The following EBF1 variants were observed in gnomAD, a reference collection of about 807,000 sequenced individuals.
EBF1 encodes the protein transcription factor COE1.
EBF1 carries 10 observed loss-of-function variants against 68.4 expected under a neutral mutation model. That is an observed-to-expected ratio of 0.15 (90% CI 0.09 to 0.25). The LOEUF (loss-of-function observed/expected upper bound fraction) is 0.25. Among genes scored for constraint, EBF1 ranks in the 10% least tolerant of loss-of-function variants. EBF1 has a pLI of 1.00. For synonymous variants in EBF1, 298 were observed against 299.8 expected (o/e 0.99, Z 0.06); for missense variants, 509 against 794.4 (o/e 0.64, Z 4.32).
intron 3 of EBF1, 158 bp downstream of exon 3, chr5:159,096,185 T>C: frequency 1.3e-6 from 1 of 761,728 alleles, no homozygotes; most frequent in South Asian, 1.9e-5. Context: ...CCTCCTCAGG[T>C]GAAACCTCCT....
chr5:158,706,227 G>A (rs1157294650), intron 15 of EBF1, among the ~76,000 whole-genome samples: 1 of 151,342 alleles, frequency 6.6e-6, no homozygotes, highest in Non-Finnish European at 1.5e-5. Context: ...CTAAGAAGAT[G>A]GATTTGCCAC....
chr5:159,096,611 T>A (rs1562009379), intron 2 of EBF1: 2 of 641,400 alleles, frequency 3.1e-6, no homozygotes, highest in Non-Finnish European at 5.4e-6. Flanking sequence ...AAAAGAAAAT[T>A]CCGTCGGGCG....
chr5:158,876,265 C>T (rs1797795435), intron 6 of EBF1, among the ~76,000 whole-genome samples: 2 of 152,130 alleles, frequency 1.3e-5, no homozygotes, highest in Admixed American at 6.5e-5. Flanking sequence ...TTTAGCCTCC[C>T]AATACCTCTA....
intron 10 of EBF1, among the ~76,000 whole-genome samples, chr5:158,762,787 G>A (rs572132097): frequency 2.1e-4 from 32 of 152,116 alleles, no homozygotes; most frequent in East Asian, 5.8e-4. Flanking sequence ...CGCCTGCCTC[G>A]GCCTCCCAAA....
intron 6 of EBF1, among the ~76,000 whole-genome samples, chr5:158,910,095 G>A (rs965473709): frequency 8.6e-5 from 13 of 150,718 alleles, no homozygotes; most frequent in African/African-American, 3.2e-4. Flanking sequence ...GAAATGAAGA[G>A]ACATTGTCAT....
chr5:158,731,314 A>C (rs1296177836), intron 10 of EBF1, among the ~76,000 whole-genome samples, 157 bp from the exon 11 acceptor site: 1 of 152,210 alleles, frequency 6.6e-6, no homozygotes, highest in Non-Finnish European at 1.5e-5. Flanking sequence ...CTCTTGGCTA[A>C]ACTTTCCACC....
chr5:158,699,168 T>C (rs1275640383), intron 15 of EBF1, 26 bp from the exon 16 acceptor site: 1 of 1,589,256 alleles, frequency 6.3e-7, no homozygotes, highest in African/African-American at 1.4e-5. Flanking sequence ...CAGAAGTCAA[T>C]GGTTTCTTTG....
chr5:158,734,534 T>C (rs1256404952), intron 10 of EBF1, among the ~76,000 whole-genome samples: 1 of 152,148 alleles, frequency 6.6e-6, no homozygotes, highest in Non-Finnish European at 1.5e-5. Flanking sequence ...AAGAATGGTA[T>C]ATTTATTTCA....
intron 6 of EBF1, among the ~76,000 whole-genome samples, chr5:159,003,173 C>A (rs1301572869): frequency 1.3e-5 from 2 of 152,190 alleles, no homozygotes; most frequent in Non-Finnish European, 2.9e-5. Context: ...TGGCTCTTTG[C>A]TAACTCTGTT....
chr5:159,063,922 C>T (rs1163902760), intron 6 of EBF1, among the ~76,000 whole-genome samples: 1 of 152,092 alleles, frequency 6.6e-6, no homozygotes, highest in African/African-American at 2.4e-5. Context: ...AAAACTGAGC[C>T]CCCTGAGGCT....
intron 6 of EBF1, among the ~76,000 whole-genome samples, chr5:159,064,499 G>C (rs1374950365): frequency 6.6e-6 from 1 of 152,164 alleles, no homozygotes; most frequent in African/African-American, 2.4e-5. Flanking sequence ...TTTGTGCAAA[G>C]AGAATTTTCT....
chr5:158,894,261 A>T (rs371456575), intron 6 of EBF1, among the ~76,000 whole-genome samples: 6 of 152,322 alleles, frequency 3.9e-5, no homozygotes, highest in East Asian at 3.9e-4. Context: ...TAATGGGACA[A>T]TATTATTCTT....
intron 6 of EBF1, among the ~76,000 whole-genome samples, chr5:158,868,856 T>A (rs139553628): frequency 3.3e-5 from 5 of 152,322 alleles, no homozygotes; most frequent in African/African-American, 1.2e-4. Context: ...GATTTCAACA[T>A]GGTTGATGTT....
intron 6 of EBF1, among the ~76,000 whole-genome samples, chr5:159,043,973 C>G (rs1771789912): frequency 6.6e-6 from 1 of 152,194 alleles, no homozygotes; most frequent in Non-Finnish European, 1.5e-5. Context: ...CACAGCAAGT[C>G]ACCAAGGTAT....
chr5:158,985,661 A>G (rs538127544), intron 6 of EBF1: 17 of 152,158 alleles, frequency 1.1e-4, no homozygotes, highest in African/African-American at 4.1e-4. Context: ...CTGGATCCAC[A>G]TATCCTTTTT....
chr5:158,951,347 A>T (rs1815922426), intron 6 of EBF1, among the ~76,000 whole-genome samples: 1 of 152,212 alleles, frequency 6.6e-6, no homozygotes, highest in South Asian at 2.1e-4. Flanking sequence ...ATGGCAAAAG[A>T]GGGAACTTGG....
In EBF1 at chr5:158,713,013, T is replaced by C; in HGVS notation, c.1326A>G (p.Gln442=). 1.3e-6 allele frequency: 2 copies of C among 1,556,302 alleles called. No homozygotes were observed. The highest frequency in any genetic ancestry group is 1.7e-6 in the Non-Finnish European group (2 of 1,147,668). ...ATGCCTCGGAGACATTCACGGCCAG[T>C]TGTCCACTGAACGAATTCACGCCCA... ...GMMGVNSFSG[Q]LAVNVSEASQ... Residue 442 remains glutamine (Q), a synonymous_variant, in exon 13 of 16, where the codon CAA becomes CAG. Transcript: ENST00000313708.
chr5:158,717,797 G>A (rs1426305173), intron 11 of EBF1, among the ~76,000 whole-genome samples: 1 of 151,888 alleles, frequency 6.6e-6, no homozygotes, highest in Non-Finnish European at 1.5e-5. Flanking sequence ...CTCTCTTAAA[G>A]ATACAAAAAA....
At chr5:158,713,649 G>C (rs1008588771) in intron 12 of EBF1, among the ~76,000 whole-genome samples, 5 of 152,162 alleles carry the variant, frequency 3.3e-5, no homozygotes, top group African/African-American at 9.6e-5. Context: ...ATTGACTCAG[G>C]CTACATGAAA....
Sources: allele counts gnomAD v4.1 joint callset (sites outside exome capture counted in the v4.1 genomes callset), GRCh38; gene constraint gnomAD v4.1.1; transcripts MANE v1.5; gene names NCBI Gene and HGNC (gene_info 2026-07-23, HGNC 2026-07-21).